TTLL7: variants seen among roughly 807,000 people sequenced by gnomAD.
TTLL7 encodes the protein tubulin polyglutamylase TTLL7.
In TTLL7, 53 loss-of-function variants were observed where a neutral mutation model predicts 120.2. The ratio of observed to expected loss-of-function variants is 0.44; its 90% CI spans 0.35 to 0.55. TTLL7 has a LOEUF of 0.55. Ranked by LOEUF, TTLL7 falls within the 20% of genes least tolerant of loss-of-function variation. The probability of loss-of-function intolerance (pLI) is 0.00; values close to 1 mark genes in which losing one functional copy is unlikely to be tolerated. For synonymous variants in TTLL7, 353 were observed against 351.7 expected (o/e 1.00, Z -0.04); for missense variants, 803 against 1,054.7 (o/e 0.76, Z 3.31).
At chr1:83,965,760 T>C (rs1489749663) in intron 1 of TTLL7, among the ~76,000 whole-genome samples, 1 of 152,144 alleles carries the variant, frequency 6.6e-6, no homozygotes, top group Non-Finnish European at 1.5e-5. Flanking sequence ...TCCCCAATTA[T>C]TATTTATTTA....
At position 83,952,229 on chromosome 1, in the gene TTLL7, A is replaced by T; in HGVS notation, c.-18T>A. The T allele has an allele frequency of 6.2e-7, 1 of 1,613,942 alleles. No individual in the cohort carries two copies. Among genetic ancestry groups the T allele is most frequent in the South Asian group, 1.1e-5 (1 of 91,044 alleles). The stretch of plus-strand genomic sequence containing the variant: ...GATGGCATTATTGCCTGTGCTGATT[A>T]GCAAGCAGTGTGTGCTGCTGTACCA... On this transcript the variant is annotated 5_prime_UTR_variant, in exon 2 of 21. Transcript: ENST00000260505.
rs769947516 is a variant in TTLL7 at position 83,951,895 on chromosome 1, T to G, written c.107A>C (p.Lys36Thr). The G allele has an allele frequency of 6.2e-7, 1 of 1,613,676 alleles. No individual in the cohort carries two copies. The highest frequency in any genetic ancestry group is 1.1e-5 in the South Asian group (1 of 90,926). Residue 36 changes from lysine (K) to threonine (T), a missense_variant, in exon 3 of 21, where the codon AAA (lysine) becomes ACA (threonine). By Grantham distance (78) the Lys-to-Thr change is moderately conservative (BLOSUM62 -1). Transcript: ENST00000260505. ...ATTTGCTGTAATGGTTCCCTTCTTT[T>G]TCTTCTTTCTGACTTTCCTTTTCAT... Reference protein sequence around the residue: ...STMKRKVRKKKKKGTITANVA... With the variant: ...STMKRKVRKKTKKGTITANVA...
intron 1 of TTLL7, among the ~76,000 whole-genome samples, chr1:83,983,469 A>G (rs2100614169): frequency 6.6e-6 from 1 of 152,248 alleles, no homozygotes; most frequent in African/African-American, 2.4e-5. Flanking sequence ...TTAACTCAAG[A>G]TGGATTAAAG....
At chr1:83,880,929 T>C (rs1654394110) in intron 20 of TTLL7, among the ~76,000 whole-genome samples, 1 of 152,004 alleles carries the variant, frequency 6.6e-6, no homozygotes, top group South Asian at 2.1e-4. Context: ...CCCTCAGAAA[T>C]AATGCCGCAT....
chr1:83,881,327 T>C (rs1557530017), intron 20 of TTLL7, among the ~76,000 whole-genome samples: 1 of 150,218 alleles, frequency 6.7e-6, no homozygotes, highest in Non-Finnish European at 1.5e-5. Flanking sequence ...GGAGAAAATT[T>C]TCGCAACCTA....
chr1:83,882,782 C>G (rs1316535344), intron 20 of TTLL7, 181 bp downstream of exon 20: 1 of 567,432 alleles, frequency 1.8e-6, no homozygotes, highest in African/African-American at 1.9e-5. Context: ...TGTCCTTGTT[C>G]AGTCCCTTAA....
intron 1 of TTLL7, among the ~76,000 whole-genome samples, chr1:83,987,246 GAA>G (rs150993380): frequency 7.3e-6 from 1 of 136,646 alleles, no homozygotes; most frequent in Non-Finnish European, 1.6e-5. Flanking sequence ...GGTTTACATG[GAA>G]AAAAAAAAGA....
chr1:83,999,126 C>T lies in TTLL7; in HGVS notation c.-372G>A. ...GACTCCGGTGCTCGACGCGGAGTGC[C>T]TGGAACAGCTGTCGCTGCCCAAGCG... On this transcript the variant is annotated 5_prime_UTR_variant, in exon 1 of 21. Coordinates refer to ENST00000260505, the MANE Select transcript of TTLL7 (RefSeq NM_024686.6). The T allele has an allele frequency of 2.3e-6, 1 of 428,032 alleles. No individual in the cohort carries two copies. Among genetic ancestry groups the T allele is most frequent in the Non-Finnish European group, 4.6e-6 (1 of 216,078 alleles). The allele number at this position is 428,032 out of a possible 1,614,324, so 26.5% of individuals were successfully genotyped here.
At chr1:83,921,993 G>T (rs1658710146) in intron 10 of TTLL7, among the ~76,000 whole-genome samples, 1 of 151,922 alleles carries the variant, frequency 6.6e-6, no homozygotes, top group Non-Finnish European at 1.5e-5. Flanking sequence ...GATTTTTAAG[G>T]AAAAGTCCTG....
At chr1:83,988,231 G>A (rs1304111177) in intron 1 of TTLL7, among the ~76,000 whole-genome samples, 2 of 152,268 alleles carry the variant, frequency 1.3e-5, no homozygotes, top group South Asian at 2.1e-4. Flanking sequence ...TTATGGCTGC[G>A]TAGCATTCTA....
rs115411666 is a variant in TTLL7, at chr1:83,971,242, T to C, written c.-176-18855A>G. ...ACTTCAACTATCATTTACCTGATGA[T>C]AGATCCATTGAGATGTGGCCTTTAA... On this transcript the variant is annotated intron_variant, in intron 1 of 20. Coordinates refer to ENST00000260505, the MANE Select transcript of TTLL7 (RefSeq NM_024686.6). Among the ~76,000 whole-genome samples, 1,099 of 152,200 alleles carry C rather than the reference T, an allele frequency of 7.2e-3. 20 individuals carry two copies. Among genetic ancestry groups the C allele is most frequent in the African/African-American group, 0.025 (1,051 of 41,538 alleles).
chr1:83,949,684 C>T (rs540724597), intron 4 of TTLL7, 181 bp downstream of exon 4: 14 of 597,762 alleles, frequency 2.3e-5, no homozygotes, highest in African/African-American at 2.3e-4. Context: ...AAACTTAAGT[C>T]TGCAAAAGAT....
At chr1:83,906,530 G>T (rs779880364) in intron 16 of TTLL7, 67 bp from the exon 17 acceptor site, 2 of 1,601,142 alleles carry the variant, frequency 1.2e-6, no homozygotes, top group Non-Finnish European at 1.7e-6. Context: ...TAATCTGAAA[G>T]ATATTTCTAG....
rs536971037 is a variant in TTLL7, at chr1:83,999,099, G to A, written c.-345C>T. The A allele has an allele frequency of 7.8e-3, 3,458 of 441,664 alleles. 25 individuals carry two copies. The highest frequency in any genetic ancestry group is 0.012 in the Non-Finnish European group (2,740 of 222,526). 27.4% of individuals were successfully genotyped at this position (441,664 alleles called of 1,614,324 possible). Reference sequence around the variant, plus strand: ...CCACCGCCCGTGGCAGCCACGGCTCGGGACTCCGGTGCTCGACGCGGAGTG... The same window carrying A: ...CCACCGCCCGTGGCAGCCACGGCTCAGGACTCCGGTGCTCGACGCGGAGTG... On this transcript the variant is annotated 5_prime_UTR_variant, in exon 1 of 21. Coordinates refer to ENST00000260505, the MANE Select transcript of TTLL7 (RefSeq NM_024686.6).
At chr1:83,888,747 A>G (rs1330448095) in intron 19 of TTLL7, among the ~76,000 whole-genome samples, 2 of 151,988 alleles carry the variant, frequency 1.3e-5, no homozygotes, top group Admixed American at 1.3e-4. Context: ...TAGGAGAGTA[A>G]TGAGAAGGAA....
intron 19 of TTLL7, among the ~76,000 whole-genome samples, chr1:83,884,822 G>A (rs573827265): frequency 3.3e-5 from 5 of 151,472 alleles, no homozygotes; most frequent in Non-Finnish European, 7.4e-5. Context: ...ATGTATACAT[G>A]TGTAACTAAC....
intron 1 of TTLL7, among the ~76,000 whole-genome samples, chr1:83,977,876 T>C (rs1651634650): frequency 6.6e-6 from 1 of 152,218 alleles, no homozygotes; most frequent in Admixed American, 6.5e-5. Context: ...GAACAATGTT[T>C]TCCTTATTTG....
intron 18 of TTLL7, among the ~76,000 whole-genome samples, chr1:83,891,259 T>C (rs1315341985): frequency 6.6e-6 from 1 of 151,846 alleles, no homozygotes; most frequent in African/African-American, 2.4e-5. Context: ...ATAAAGAATG[T>C]TTACCAAAAT....
chr1:83,938,498 A>G (rs1036976096), intron 7 of TTLL7, among the ~76,000 whole-genome samples: 1 of 152,190 alleles, frequency 6.6e-6, no homozygotes, highest in African/African-American at 2.4e-5. Flanking sequence ...GAGAGGCAGG[A>G]CTACCAAACA....
Sources: gnomAD v4.1 joint callset for allele counts (sites outside exome capture counted in the v4.1 genomes callset) on GRCh38, gnomAD v4.1.1 for gene constraint, MANE v1.5 for transcripts, NCBI Gene and HGNC (gene_info 2026-07-23, HGNC 2026-07-21) for gene names.